TIAL1: variants seen among roughly 807,000 people sequenced by gnomAD.
The protein encoded by TIAL1 is TIA1 cytotoxic granule associated RNA binding protein like 1.
Under a neutral mutation model 59.7 loss-of-function variants are expected in TIAL1, and 7 were observed. The ratio of observed to expected loss-of-function variants is 0.12; its 90% CI spans 0.07 to 0.22. The LOEUF is 0.22. Among genes scored for constraint, TIAL1 ranks in the 10% least tolerant of loss-of-function variants. The pLI is 1.00. For synonymous variants in TIAL1, 149 were observed against 146.3 expected, an observed-to-expected ratio of 1.02 and a Z score of -0.13; for missense variants, 225 against 462.5, an observed-to-expected ratio of 0.49 and a Z score of 4.71.
At chr10:119,596,319 G>T in intron 1 of TIAL1, 115 bp downstream of exon 1, 1 of 1,178,078 alleles carries the variant, frequency 8.5e-7, no homozygotes, top group Non-Finnish European at 1.2e-6. Context: ...ACGCCGCCCT[G>T]GTCAGGGAGC....
chr10:119,587,099 G>A (rs1371662973), intron 2 of TIAL1, among the ~76,000 whole-genome samples: 1 of 152,150 alleles, frequency 6.6e-6, no homozygotes, highest in Non-Finnish European at 1.5e-5. Context: ...GTCATTACTT[G>A]GGAAAGACAA....
chr10:119,593,622 C>A, intron 1 of TIAL1: 1 of 332,418 alleles, frequency 3.0e-6, no homozygotes, highest in Non-Finnish European at 4.3e-6. Context: ...ACTTGAAAAA[C>A]CTAATCCATA....
In TIAL1 at chr10:119,574,044, C is replaced by G. The variant is rs1844834746; in HGVS notation, c.*1621G>C. 1 of 152,598 alleles carries G rather than the reference C, an allele frequency of 6.6e-6. No individual in the cohort carries two copies. The allele number at this position is 152,598 out of a possible 1,614,324, so 9.5% of individuals were successfully genotyped here. A position where few individuals can be genotyped will look rare whatever the true frequency, so the allele number is the denominator to read the frequency against. On this transcript the variant is annotated 3_prime_UTR_variant, in exon 12 of 12. Coordinates refer to ENST00000436547, the MANE Select transcript of TIAL1 (RefSeq NM_003252.4). ...GTACTAATCGCATCTTACTATGTAA[C>G]TGTAAAAGGCTATTTTCTCTTTGGT...
At chr10:119,592,826 T>A (rs1213445428) in intron 1 of TIAL1, among the ~76,000 whole-genome samples, 2 of 151,918 alleles carry the variant, frequency 1.3e-5, no homozygotes, top group Non-Finnish European at 2.9e-5. Flanking sequence ...ACAAAGAATA[T>A]GATTAAGTTG....
Position 119,582,679 on chromosome 10 carries a change from T to G in TIAL1, c.130-122A>C. On this transcript the variant is annotated intron_variant, in intron 2 of 11. Transcript: ENST00000436547. The surrounding 1 kb of genome is among the most constrained non-coding windows in gnomAD (Gnocchi z 5.1). ...TACAAGGTGAGACTGCATAAGCTTA[T>G]GAAAGCCTAACACTTTTTAAATAAG... 6.9e-7 allele frequency: 1 copy of G among 1,445,146 alleles called. No individual in the cohort carries two copies. 89.5% of individuals were successfully genotyped at this position (1,445,146 alleles called of 1,614,324 possible).
chr10:119,577,301 A>AT (rs1845049783), intron 9 of TIAL1, 98 bp from the exon 10 acceptor site: 21 of 1,476,286 alleles, frequency 1.4e-5, no homozygotes, highest in Admixed American at 2.6e-5. Context: ...GCAAGTTGGT[A>AT]TTTTTTTTCT....
chr10:119,588,034 A>G, intron 2 of TIAL1, 118 bp downstream of exon 2: 1 of 552,206 alleles, frequency 1.8e-6, no homozygotes, highest in Non-Finnish European at 2.9e-6. Context: ...CAAAGTAATA[A>G]GTCAACACAA....
intron 1 of TIAL1, 21 bp from the exon 2 acceptor site, chr10:119,588,269 T>C: frequency 6.8e-7 from 1 of 1,477,678 alleles, no homozygotes; most frequent in Non-Finnish European, 9.2e-7. Flanking sequence ...AAAAAATACG[T>C]TATCAGCAAT....
chr10:119,579,621 A>T (rs973050771), intron 6 of TIAL1, among the ~76,000 whole-genome samples: 1 of 152,132 alleles, frequency 6.6e-6, no homozygotes, highest in Non-Finnish European at 1.5e-5. Context: ...AATTTACCTA[A>T]CCTCTAAATT....
At chr10:119,592,760 T>TTCTC (rs934469455) in intron 1 of TIAL1, among the ~76,000 whole-genome samples, 10 of 115,288 alleles carry the variant, frequency 8.7e-5, no homozygotes, top group Non-Finnish European at 1.0e-4. Context: ...ATATGAGATA[T>TTCTC]TCTCACACAC....
chr10:119,575,511 T>C lies in TIAL1; in HGVS notation c.*154A>G. 1 of 896,402 alleles carries C rather than the reference T, an allele frequency of 1.1e-6. No individual in the cohort carries two copies. Among genetic ancestry groups the C allele is most frequent in the Non-Finnish European group, 1.7e-6 (1 of 602,578 alleles). 55.5% of individuals were successfully genotyped at this position (896,402 alleles called of 1,614,324 possible). On this transcript the variant is annotated 3_prime_UTR_variant, in exon 12 of 12. Transcript: ENST00000436547. Reference sequence around the variant, plus strand: ...TAAAAAGGCAGAACTAGAAGACACGTGTCCTTCACCAAAGCAAATCTGTGC... The same window carrying C: ...TAAAAAGGCAGAACTAGAAGACACGCGTCCTTCACCAAAGCAAATCTGTGC...
intron 1 of TIAL1, among the ~76,000 whole-genome samples, chr10:119,591,271 G>A (rs1845869248): frequency 1.3e-5 from 2 of 152,074 alleles, no homozygotes; most frequent in African/African-American, 4.8e-5. Context: ...CAGGCATGGT[G>A]GCGGGCACCT....
intron 1 of TIAL1, among the ~76,000 whole-genome samples, chr10:119,592,966 T>C (rs1353663394): frequency 1.3e-5 from 2 of 152,242 alleles, no homozygotes; most frequent in East Asian, 3.8e-4. Context: ...TCTAAATCAT[T>C]AGCTTATTTC....
chr10:119,576,881 T>C (rs1399673051), intron 10 of TIAL1, 131 bp from the exon 11 acceptor site: 16 of 1,391,970 alleles, frequency 1.1e-5, no homozygotes, highest in East Asian at 6.9e-5. Context: ...TTTATCATTG[T>C]CTAAGTTTAT....
intron 1 of TIAL1, among the ~76,000 whole-genome samples, chr10:119,595,802 G>A (rs1468490002): frequency 2.0e-5 from 3 of 152,314 alleles, no homozygotes; most frequent in East Asian, 3.9e-4. Context: ...AAAGATGCTC[G>A]GGCAGCAAAA....
intron 7 of TIAL1, 81 bp downstream of exon 7, chr10:119,578,645 T>A: frequency 1.6e-6 from 2 of 1,237,092 alleles, no homozygotes; most frequent in Non-Finnish European, 2.4e-6. Flanking sequence ...ATAAATAAAT[T>A]AGAAATTGAG....
chr10:119,595,576 G>A (rs1846128118), intron 1 of TIAL1, among the ~76,000 whole-genome samples: 1 of 152,132 alleles, frequency 6.6e-6, no homozygotes, highest in African/African-American at 2.4e-5. Flanking sequence ...TCATTAGATT[G>A]AGCTTCAGGT....
rs1163489449 is a variant in TIAL1 at position 119,575,745 on chromosome 10, G to A, written c.1048C>T (p.Pro350Ser). 1.2e-6 allele frequency: 2 copies of A among 1,605,066 alleles called. No individual in the cohort carries two copies. The highest frequency in any genetic ancestry group is 1.7e-6 in the Non-Finnish European group (2 of 1,176,204). The change falls in exon 12 of 12, where the codon CCC becomes TCC. Residue 350 changes from proline (P) to serine (S), a missense_variant. Pro to Ser is a moderately conservative substitution (Grantham distance 74, BLOSUM62 -1). Around this residue, in one of 4 missense-constraint regions of TIAL1, gnomAD observed 68 missense variants for 71.3 expected, o/e 0.95. Transcript: ENST00000436547. ...AWMGGFGAQP[P>S]QGQAPPPVIP... Reference sequence around the variant, plus strand: ...ACAGGGGGAGGAGCTTGTCCTTGGGGAGGCTGAGCACCAAATCCACCCATC... The same window carrying A: ...ACAGGGGGAGGAGCTTGTCCTTGGGAAGGCTGAGCACCAAATCCACCCATC...
At position 119,596,501 on chromosome 10, in the gene TIAL1, A is replaced by T; in HGVS notation, c.-36T>A. 3.0e-6 allele frequency: 1 copy of T among 329,666 alleles called. No homozygotes were observed. Among genetic ancestry groups the T allele is most frequent in the Non-Finnish European group, 3.9e-6 (1 of 257,960 alleles). The allele number at this position is 329,666 out of a possible 1,614,324, so 20.4% of individuals were successfully genotyped here. ...ACGGAGCGATCCCGGGACAAGGGGG[A>T]GGGCAGGGTTGGGGAGGGGAGGGGG... On this transcript the variant is annotated 5_prime_UTR_variant, in exon 1 of 12. Coordinates refer to ENST00000436547, the MANE Select transcript of TIAL1 (RefSeq NM_003252.4).
Sources: gnomAD v4.1 joint callset for allele counts (sites outside exome capture counted in the v4.1 genomes callset) on GRCh38, gnomAD v4.1.1 for gene constraint, gnomAD v4.1.1 regional missense constraint, Gnocchi (gnomAD v3.1) non-coding constraint, MANE v1.5 for transcripts, NCBI Gene and HGNC (gene_info 2026-07-23, HGNC 2026-07-21) for gene names.